Variants in WWOX observed in about 807,000 individuals in gnomAD.
The protein encoded by WWOX is WW domain containing oxidoreductase, also known as WW domain-containing oxidoreductase.
Under a neutral mutation model 46.2 loss-of-function variants are expected in WWOX, and 69 were observed. That is an observed-to-expected ratio of 1.49 (90% CI 1.23 to 1.82). WWOX has a LOEUF of 1.82. Among genes scored for constraint, WWOX ranks in the 40% most tolerant of loss-of-function variants. The probability of loss-of-function intolerance (pLI) is 0.00; values close to 1 mark genes in which losing one functional copy is unlikely to be tolerated. For synonymous variants in WWOX, 359 were observed against 202.6 expected (o/e 1.77, Z -6.56); for missense variants, 919 against 542.6 (o/e 1.69, Z -6.89).
chr16:78,826,568 C>G lies in WWOX; in HGVS notation c.1057-385040C>G, dbSNP rs79195993. Among the ~76,000 whole-genome samples, 1,308 of 152,320 alleles carry G rather than the reference C, an allele frequency of 8.6e-3. 10 individuals are homozygous for G. Among genetic ancestry groups the G allele is most frequent in the African/African-American group, 0.03 (1,242 of 41,568 alleles). On this transcript the variant is annotated intron_variant, in intron 8 of 8. Coordinates refer to ENST00000566780, the MANE Select transcript of WWOX (RefSeq NM_016373.4). ...CTCTTCTCCTGTGTTCCTTTCCTGT[C>G]TGCCTCAAATCTCCCTCTACCTTTC...
At chr16:79,085,543 C>A (rs2048838545) in intron 8 of WWOX, among the ~76,000 whole-genome samples, 1 of 152,114 alleles carries the variant, frequency 6.6e-6, no homozygotes, top group South Asian at 2.1e-4. Flanking sequence ...AAGAAAATTT[C>A]TCTGGAAATG....
At chr16:78,359,037 G>A (rs1054257539) in intron 5 of WWOX, among the ~76,000 whole-genome samples, 1 of 152,004 alleles carries the variant, frequency 6.6e-6, no homozygotes, top group African/African-American at 2.4e-5. Flanking sequence ...CATGAGCAAC[G>A]TTGCTGGTTT....
chr16:78,909,145 C>G (rs1011054857), intron 8 of WWOX, among the ~76,000 whole-genome samples: 1 of 152,198 alleles, frequency 6.6e-6, no homozygotes, highest in Admixed American at 6.5e-5. Flanking sequence ...AAGATAGAGT[C>G]AGTTACATCA....
chr16:78,145,091 T>C (rs2034152925), intron 4 of WWOX, among the ~76,000 whole-genome samples: 1 of 152,182 alleles, frequency 6.6e-6, no homozygotes, highest in Non-Finnish European at 1.5e-5. Context: ...CATAGTTCTG[T>C]AGGCCAGAAG....
At chr16:79,095,649 C>G (rs28496920) in intron 8 of WWOX, among the ~76,000 whole-genome samples, 5,263 of 152,068 alleles carry the variant, frequency 0.035, 331 homozygotes, top group African/African-American at 0.12. Context: ...AGGCTCTAAC[C>G]TGGCAGGTTT....
At chr16:78,164,315 T>A in intron 5 of WWOX, 26 bp downstream of exon 5, 1 of 1,604,050 alleles carries the variant, frequency 6.2e-7, no homozygotes, top group Non-Finnish European at 8.5e-7. Flanking sequence ...TTGTTGTTTT[T>A]TTTAATTGTC....
chr16:78,422,818 TACACACAC>T lies in WWOX; in HGVS notation c.606-2050_606-2043del, dbSNP rs751244748. Among the ~76,000 whole-genome samples, 378 of 120,264 alleles carry T rather than the reference TACACACAC, an allele frequency of 3.1e-3. 16 individuals carry two copies. The highest frequency in any genetic ancestry group is 0.023 in the East Asian group (100 of 4,438). 78.9% of individuals were successfully genotyped at this position (120,264 alleles called of 152,430 possible). A position where few individuals can be genotyped will look rare whatever the true frequency, so the allele number is the denominator to read the frequency against. Reference sequence around the variant, plus strand: ...ACATATATATACACACACATATATATACACACACATATATATATATACATATACACACA... The same window carrying T: ...ACATATATATACACACACATATATATATATATATATATACATATACACACA... On this transcript the variant is annotated intron_variant, in intron 6 of 8. Transcript: ENST00000566780.
intron 8 of WWOX, among the ~76,000 whole-genome samples, chr16:78,720,113 T>A (rs1258926474): frequency 6.6e-6 from 1 of 152,230 alleles, no homozygotes; most frequent in East Asian, 1.9e-4. Context: ...GCCTCACTCT[T>A]GCTTCTTGGT....
At chr16:78,143,419 G>A (rs2034055563) in intron 4 of WWOX, among the ~76,000 whole-genome samples, 2 of 152,160 alleles carry the variant, frequency 1.3e-5, no homozygotes, top group Non-Finnish European at 2.9e-5. Context: ...CGAAGGGTCA[G>A]ATTGTGGCAC....
chr16:78,622,654 C>T (rs530739091), intron 8 of WWOX, among the ~76,000 whole-genome samples: 9 of 148,328 alleles, frequency 6.1e-5, no homozygotes, highest in Admixed American at 3.4e-4. Context: ...ATGTGATCAC[C>T]CTTCCCCCAC....
intron 5 of WWOX, among the ~76,000 whole-genome samples, chr16:78,248,167 G>C (rs1350278181): frequency 6.6e-6 from 1 of 152,140 alleles, no homozygotes; most frequent in Admixed American, 6.5e-5. Context: ...TCCACAGGCT[G>C]TACAGGAAGC....
At chr16:79,150,295 A>C (rs1471915989) in intron 8 of WWOX, among the ~76,000 whole-genome samples, 1 of 152,240 alleles carries the variant, frequency 6.6e-6, no homozygotes, top group Non-Finnish European at 1.5e-5. Flanking sequence ...GATAATTCAC[A>C]CTAAACAAGG....
chr16:78,887,518 C>CACACAT lies in WWOX; in HGVS notation c.1057-324089_1057-324088insCACATA, dbSNP rs1199309440. ...ACACACACACACACACACACACACACAAGAAATGACTACAGACACCTCAAC... is the reference window on the plus strand; with the variant it reads ...ACACACACACACACACACACACACACACACATAAGAAATGACTACAGACACCTCAAC... On this transcript the variant is annotated intron_variant, in intron 8 of 8. Transcript: ENST00000566780. Among the ~76,000 whole-genome samples, 210 of 147,448 alleles carry CACACAT rather than the reference C, an allele frequency of 1.4e-3. 5 individuals carry two copies. The highest frequency in any genetic ancestry group is 4.8e-3 in the African/African-American group (188 of 39,386).
chr16:78,557,490 T>A (rs917446145), intron 8 of WWOX, among the ~76,000 whole-genome samples: 9 of 152,104 alleles, frequency 5.9e-5, no homozygotes, highest in African/African-American at 2.2e-4. Context: ...TCTCTTCATT[T>A]CTGGAATGCC....
intron 8 of WWOX, among the ~76,000 whole-genome samples, chr16:78,857,451 A>G (rs980433992): frequency 5.3e-5 from 8 of 152,196 alleles, no homozygotes; most frequent in Admixed American, 2.0e-4. Context: ...TCCATGATGC[A>G]TGATGTAATT....
rs1341431231 is a variant in WWOX, at chr16:78,741,184, CA to C, written c.1056+308433del. ...TAGTTGTGACAGAGACCATTTATCC[CA>C]CAAAGCCTAGAATCTTTATTATAAT... On this transcript the variant is annotated intron_variant, in intron 8 of 8. Transcript: ENST00000566780. 3.9e-5 allele frequency among the ~76,000 whole-genome samples: 6 copies of C among 152,280 alleles called. No homozygotes were observed. In the East Asian group the frequency reaches 1.2e-3, roughly 29 times the overall value.
At chr16:78,397,805 G>A (rs1174928324) in intron 6 of WWOX, among the ~76,000 whole-genome samples, 2 of 152,160 alleles carry the variant, frequency 1.3e-5, no homozygotes, top group African/African-American at 2.4e-5. Context: ...GATTATAGGC[G>A]TGAGCCACCG....
rs564637931 is a variant in WWOX, at chr16:78,286,385, C to A, written c.517-100475C>A. ...CCAGATGAGGTGGGGGTTGTCCCCC[C>A]CTTTTACTTTCTAGTATTGTTAGAC... is the stretch of plus-strand genomic sequence containing the variant. On this transcript the variant is annotated intron_variant, in intron 5 of 8. Coordinates refer to ENST00000566780, the MANE Select transcript of WWOX (RefSeq NM_016373.4). 2.0e-5 allele frequency among the ~76,000 whole-genome samples: 3 copies of A among 152,288 alleles called. No individual in the cohort carries two copies. The South Asian group carries it at 6.2e-4, about 32-fold the overall frequency.
At chr16:78,191,370 A>C (rs1463651701) in intron 5 of WWOX, among the ~76,000 whole-genome samples, 2 of 152,194 alleles carry the variant, frequency 1.3e-5, no homozygotes, top group Non-Finnish European at 2.9e-5. Flanking sequence ...CTTTGATCAT[A>C]GGTAGGAAAG....
Sources: gnomAD v4.1 joint callset for allele counts (sites outside exome capture counted in the v4.1 genomes callset) on GRCh38, gnomAD v4.1.1 for gene constraint, MANE v1.5 for transcripts, NCBI Gene and HGNC (gene_info 2026-07-23, HGNC 2026-07-21) for gene names.